PXDC1: variants seen among roughly 807,000 people sequenced by gnomAD.
PXDC1 encodes PX domain containing 1, also known as PX domain-containing protein 1.
In PXDC1, 13 loss-of-function variants were observed where a neutral mutation model predicts 24.4. The ratio of observed to expected loss-of-function variants is 0.53; its 90% CI spans 0.35 to 0.85. The LOEUF (loss-of-function observed/expected upper bound fraction) is 0.85. Among genes scored for constraint, PXDC1 ranks in the 40% least tolerant of loss-of-function variants. The pLI is 0.01. For synonymous variants in PXDC1, 162 were observed against 124.9 expected (o/e 1.30, Z -1.98); for missense variants, 344 against 309.3 (o/e 1.11, Z -0.84).
chr6:3,745,269 G>T (rs1760540466), intron 1 of PXDC1, among the ~76,000 whole-genome samples: 1 of 152,252 alleles, frequency 6.6e-6, no homozygotes, highest in Non-Finnish European at 1.5e-5. Flanking sequence ...GCTGCTCTCA[G>T]GAGCCAGCCT....
chr6:3,750,944 T>C (rs1170490785), intron 1 of PXDC1, among the ~76,000 whole-genome samples: 2 of 151,932 alleles, frequency 1.3e-5, no homozygotes, highest in African/African-American at 2.4e-5. Flanking sequence ...GGGCCGACCC[T>C]GTGAGCCGCT....
chr6:3,747,826 A>T (rs1760604674), intron 1 of PXDC1, among the ~76,000 whole-genome samples: 1 of 152,186 alleles, frequency 6.6e-6, no homozygotes. Flanking sequence ...GAGGGCAGGG[A>T]TGTTCTTGGT....
At chr6:3,727,227 A>G (rs147918669) in intron 4 of PXDC1, among the ~76,000 whole-genome samples, 1 of 152,228 alleles carries the variant, frequency 6.6e-6, no homozygotes, top group Non-Finnish European at 1.5e-5. Context: ...GGGAATCAGG[A>G]CCATTGAGTG....
chr6:3,732,843 T>A (rs1342573616), intron 3 of PXDC1, among the ~76,000 whole-genome samples: 6 of 151,862 alleles, frequency 4.0e-5, no homozygotes, highest in Non-Finnish European at 8.8e-5. Context: ...CTGTTCCCCA[T>A]GGCACCACCT....
rs955976969 is a variant in PXDC1, at chr6:3,751,599, CGGCCGGGGTCGTCCCGGGTCTGTCCGT to C, written c.-95_-69del. The stretch of plus-strand genomic sequence containing the variant: ...CCGCCCGCCCGCAGGAGGCGCGCCC[CGGCCGGGGTCGTCCCGGGTCTGTCCGT>C]GGCCGGGGTCGTCCGGGGTCGGCCC... On this transcript the variant is annotated 5_prime_UTR_variant, in exon 1 of 5. Coordinates refer to ENST00000380283, the MANE Select transcript of PXDC1 (RefSeq NM_183373.4). 52 of 1,423,328 alleles carry C rather than the reference CGGCCGGGGTCGTCCCGGGTCTGTCCGT, an allele frequency of 3.7e-5. No homozygotes were observed. Among genetic ancestry groups the C allele is most frequent in the Non-Finnish European group, 4.2e-5 (46 of 1,094,546 alleles). The allele number at this position is 1,423,328 out of a possible 1,614,324, so 88.2% of individuals were successfully genotyped here. A position where few individuals can be genotyped will look rare whatever the true frequency, so the allele number is the denominator to read the frequency against.
chr6:3,743,032 G>A (rs948771451), intron 1 of PXDC1, among the ~76,000 whole-genome samples: 8 of 152,198 alleles, frequency 5.3e-5, no homozygotes, highest in Admixed American at 5.2e-4. Context: ...GAGAGCCAAC[G>A]TTAACAAACA....
chr6:3,751,121 CACCCCTCGT>C, intron 1 of PXDC1, 146 bp downstream of exon 1: 3 of 584,524 alleles, frequency 5.1e-6, no homozygotes, highest in Non-Finnish European at 8.3e-6. Flanking sequence ...GCCGCCCGGG[CACCCCTCGT>C]CTGCGGGCGC....
chr6:3,731,113 C>A (rs931461602), intron 3 of PXDC1, among the ~76,000 whole-genome samples: 2 of 152,146 alleles, frequency 1.3e-5, no homozygotes, highest in Admixed American at 6.5e-5. Context: ...AACTGGGCTA[C>A]CCCTATTTAG....
At chr6:3,731,190 C>T (rs1052254717) in intron 3 of PXDC1, among the ~76,000 whole-genome samples, 1 of 152,182 alleles carries the variant, frequency 6.6e-6, no homozygotes, top group African/African-American at 2.4e-5. Context: ...TCCAGGCCCC[C>T]TAAACCTAAA....
intron 1 of PXDC1, among the ~76,000 whole-genome samples, chr6:3,740,807 C>T (rs1490302880): frequency 1.3e-5 from 2 of 152,268 alleles, no homozygotes; most frequent in African/African-American, 4.8e-5. Context: ...TGGCTCCTGC[C>T]TGTGGGTTCG....
At chr6:3,742,011 AG>A (rs1760459897) in intron 1 of PXDC1, among the ~76,000 whole-genome samples, 1 of 152,272 alleles carries the variant, frequency 6.6e-6, no homozygotes. Context: ...ATATTCACTA[AG>A]GTTTCTCAGT....
At chr6:3,727,789 A>G in intron 3 of PXDC1, 127 bp from the exon 4 acceptor site, 1 of 653,542 alleles carries the variant, frequency 1.5e-6, no homozygotes, top group Non-Finnish European at 2.7e-6. Flanking sequence ...TCCACACCGT[A>G]AGAGAATGCC....
chr6:3,724,145 C>A lies in PXDC1; in HGVS notation c.579-409G>T, dbSNP rs1368020999. ...GAGAGGAGTGGTCACGAGCTCACAG[C>A]CTGACCGCAGCAGAGATGACACACG... On this transcript the variant is annotated intron_variant, in intron 4 of 4. Transcript: ENST00000380283. This position sits in a 1 kb window ranked among gnomAD's most constrained non-coding sequence, Gnocchi z 4.5. 2.6e-5 allele frequency among the ~76,000 whole-genome samples: 4 copies of A among 152,114 alleles called. No individual in the cohort carries two copies. Among genetic ancestry groups the A allele is most frequent in the Non-Finnish European group, 5.9e-5 (4 of 68,012 alleles).
At chr6:3,732,138 T>C (rs1561733031) in intron 3 of PXDC1, among the ~76,000 whole-genome samples, 1 of 152,230 alleles carries the variant, frequency 6.6e-6, no homozygotes, top group Non-Finnish European at 1.5e-5. Context: ...CTGATGGCAA[T>C]TTTTCTGTTT....
At chr6:3,742,855 G>A (rs1760480238) in intron 1 of PXDC1, among the ~76,000 whole-genome samples, 1 of 152,148 alleles carries the variant, frequency 6.6e-6, no homozygotes, top group African/African-American at 2.4e-5. Flanking sequence ...ATCAACAGGG[G>A]GCTGCCAGCG....
At chr6:3,751,006 T>G in intron 1 of PXDC1, 2 of 415,730 alleles carry the variant, frequency 4.8e-6, no homozygotes, top group South Asian at 4.4e-5. Context: ...TCAGGGAGAG[T>G]CCGGCGCCCG....
At chr6:3,738,792 A>G (rs551792104) in intron 1 of PXDC1, 15 of 1,302,092 alleles carry the variant, frequency 1.2e-5, no homozygotes, top group South Asian at 9.9e-5. Flanking sequence ...TATTTTTAAA[A>G]TACCATAGCT....
chr6:3,727,894 C>T (rs1029167031), intron 3 of PXDC1, among the ~76,000 whole-genome samples: 1 of 152,164 alleles, frequency 6.6e-6, no homozygotes. Flanking sequence ...TCTCCCAAGA[C>T]AAAGATGCTC....
intron 3 of PXDC1, among the ~76,000 whole-genome samples, chr6:3,730,878 T>A (rs1211649175): frequency 6.6e-6 from 1 of 152,240 alleles, no homozygotes. Context: ...TAGGAAAGCA[T>A]GCAGACTGCA....
Sources: allele counts gnomAD v4.1 joint callset (sites outside exome capture counted in the v4.1 genomes callset), GRCh38; gene constraint gnomAD v4.1.1; non-coding constraint Gnocchi (gnomAD v3.1); transcripts MANE v1.5; gene names NCBI Gene and HGNC (gene_info 2026-07-23, HGNC 2026-07-21).